Variants in ERCC6 observed in about 807,000 individuals in gnomAD.
ERCC6 encodes the protein ERCC excision repair 6, chromatin remodeling factor, also known as DNA excision repair protein ERCC-6.
Under a neutral mutation model 158.7 loss-of-function variants are expected in ERCC6, and 116 were observed. The ratio of observed to expected loss-of-function variants is 0.73; its 90% CI spans 0.63 to 0.85. ERCC6 has a LOEUF of 0.85. Ranked by LOEUF, ERCC6 falls within the 40% of genes least tolerant of loss-of-function variation. The pLI is 0.00. For missense variants in ERCC6, 1,698 were observed against 1,799.4 expected, an observed-to-expected ratio of 0.94 and a Z score of 1.02; for synonymous variants, 678 against 659.3, an observed-to-expected ratio of 1.03 and a Z score of -0.43.
At chr10:49,512,742 T>C (rs532134477) in intron 5 of ERCC6, among the ~76,000 whole-genome samples, 2 of 152,356 alleles carry the variant, frequency 1.3e-5, no homozygotes, top group South Asian at 2.1e-4. Flanking sequence ...GTTTCATATA[T>C]AACTTATACA....
chr10:49,525,491 A>G (rs1590477430), intron 4 of ERCC6, among the ~76,000 whole-genome samples: 4 of 152,324 alleles, frequency 2.6e-5, no homozygotes, highest in African/African-American at 7.2e-5. Flanking sequence ...AAGACATTAC[A>G]CCATAAGTGT....
In ERCC6 at chr10:49,455,559, A is replaced by C. The variant is rs1364537141; in HGVS notation, c.*3256T>G. 6.6e-6 allele frequency: 1 copy of C among 152,258 alleles called. No homozygotes were observed. The highest frequency in any genetic ancestry group is 1.5e-5 in the Non-Finnish European group (1 of 68,046). The allele number at this position is 152,258 out of a possible 1,614,324, so 9.4% of individuals were successfully genotyped here. A position where few individuals can be genotyped will look rare whatever the true frequency, so the allele number is the denominator to read the frequency against. On this transcript the variant is annotated 3_prime_UTR_variant, in exon 21 of 21. Coordinates refer to ENST00000355832, the MANE Select transcript of ERCC6 (RefSeq NM_000124.4). ...GTTGGTAGAACCAACACCTGGATCC[A>C]CAGGACAGAAATAGACAACTTAGCA...
intron 10 of ERCC6, among the ~76,000 whole-genome samples, chr10:49,480,153 T>C (rs576895536): frequency 3.3e-5 from 5 of 152,274 alleles, no homozygotes; most frequent in African/African-American, 9.6e-5. Flanking sequence ...CAGTCTATAT[T>C]TGGGCTGCTG....
chr10:49,537,751 G>T (rs1284946550), intron 1 of ERCC6, among the ~76,000 whole-genome samples: 1 of 151,612 alleles, frequency 6.6e-6, no homozygotes, highest in African/African-American at 2.4e-5. Context: ...ATTTCGCTCC[G>T]GTTGCCCAGG....
chr10:49,476,084 C>A, intron 12 of ERCC6, 131 bp downstream of exon 12: 1 of 720,276 alleles, frequency 1.4e-6, no homozygotes, highest in South Asian at 1.5e-5. Context: ...ATCTACCATG[C>A]GGGACTTCAT....
In ERCC6 at chr10:49,461,281, C is replaced by A. The variant is rs988917406; in HGVS notation, c.3983+71G>T. The stretch of plus-strand genomic sequence containing the variant: ...AGAAATAACAGTATAAGCCTCCACA[C>A]CTGCCCTGATTTTATTTCTAGCCTT... On this transcript the variant is annotated intron_variant, in intron 19 of 20. Transcript: ENST00000355832. 1.1e-5 allele frequency: 16 copies of A among 1,476,032 alleles called. No individual in the cohort carries two copies. In the Admixed American group the frequency reaches 1.7e-4, roughly 16 times the overall value. The allele number at this position is 1,476,032 out of a possible 1,614,324, so 91.4% of individuals were successfully genotyped here.
At chr10:49,520,449 T>G (rs1328223821) in intron 5 of ERCC6, among the ~76,000 whole-genome samples, 1 of 152,152 alleles carries the variant, frequency 6.6e-6, no homozygotes, top group Non-Finnish European at 1.5e-5. Flanking sequence ...ACACTAACCC[T>G]AGTCCTGCCA....
At position 49,506,079 on chromosome 10, in the gene ERCC6, C is replaced by T. The variant is rs112067509; in HGVS notation, c.1398-67G>A. 1.4e-4 allele frequency: 215 copies of T among 1,589,800 alleles called. 1 individual carries two copies. In the African/African-American group the frequency reaches 2.3e-3, roughly 17 times the overall value. ...CAAGACAGATTTAAAAAGATAGCTC[C>T]TGATAATGTACAAGAAAAAACAGGC... On this transcript the variant is annotated intron_variant, in intron 5 of 20. Coordinates refer to ENST00000355832, the MANE Select transcript of ERCC6 (RefSeq NM_000124.4).
At chr10:49,533,080 A>C in intron 1 of ERCC6, 102 bp from the exon 2 acceptor site, 1 of 1,357,054 alleles carries the variant, frequency 7.4e-7, no homozygotes, top group East Asian at 2.5e-5. Context: ...AAGATCAAGT[A>C]ATAATCTTCC....
downstream of ERCC6, among the ~76,000 whole-genome samples, chr10:49,451,379 C>A (rs1053130550): frequency 6.6e-5 from 10 of 152,178 alleles, no homozygotes; most frequent in Admixed American, 1.3e-4. Flanking sequence ...GGAAAGCATT[C>A]AGTTTTTCAC....
chr10:49,481,358 T>G (rs1259031235), intron 10 of ERCC6, among the ~76,000 whole-genome samples: 2 of 152,182 alleles, frequency 1.3e-5, no homozygotes, highest in Non-Finnish European at 2.9e-5. Flanking sequence ...AAGAATGGTA[T>G]AACAGGAGAT....
chr10:49,525,738 T>C (rs1837301504), intron 4 of ERCC6, among the ~76,000 whole-genome samples: 1 of 143,530 alleles, frequency 7.0e-6, no homozygotes, highest in Admixed American at 6.9e-5. Context: ...TCAGAAAAAA[T>C]GTACTCATAA....
rs1850527728 is a variant in ERCC6 at position 49,458,969 on chromosome 10, C to T, written c.4328G>A (p.Gly1443Asp). 1 of 1,614,074 alleles carries T rather than the reference C, an allele frequency of 6.2e-7. No homozygotes were observed. The change falls in exon 21 of 21, where the codon GGC becomes GAC. Residue 1443 changes from glycine (G) to aspartate (D), a missense_variant. Transcript: ENST00000355832. ...NFIAFQAHTD[G>D]QASTREILQE... ...CAGTATCTCCCTGGTGCTGGCCTGGCCATCAGTGTGGGCCTGGAAAGCGAT... is the reference window on the plus strand; with the variant it reads ...CAGTATCTCCCTGGTGCTGGCCTGGTCATCAGTGTGGGCCTGGAAAGCGAT...
At chr10:49,525,882 T>C (rs1223867382) in intron 4 of ERCC6, among the ~76,000 whole-genome samples, 1 of 151,782 alleles carries the variant, frequency 6.6e-6, no homozygotes, top group East Asian at 1.9e-4. Flanking sequence ...TGCCTGTCTC[T>C]GAACGCTACG....
At position 49,516,929 on chromosome 10, in the gene ERCC6, C is replaced by T. The variant is rs201468099; in HGVS notation, c.1397+7104G>A. 4.3e-5 allele frequency: 69 copies of T among 1,613,908 alleles called. 2 individuals are homozygous for T. The Middle Eastern group carries it at 6.6e-4, about 15-fold the overall frequency. Reference sequence around the variant, plus strand: ...CATCAGAGCCATCTTGAATAAGATACGCAGCTGTGTGCAACAAAGAACCTG... The same window carrying T: ...CATCAGAGCCATCTTGAATAAGATATGCAGCTGTGTGCAACAAAGAACCTG... On this transcript the variant is annotated intron_variant, in intron 5 of 20. Coordinates refer to ENST00000355832, the MANE Select transcript of ERCC6 (RefSeq NM_000124.4).
At chr10:49,449,126 T>C in the ERCC6 span, among the ~76,000 whole-genome samples, 2 of 152,220 alleles carry the variant, frequency 1.3e-5, no homozygotes, top group Admixed American at 6.5e-5. Context: ...CTCTCTACAA[T>C]CTCTTGTCAA....
intron 1 of ERCC6, among the ~76,000 whole-genome samples, chr10:49,536,431 GC>G: frequency 6.6e-6 from 1 of 152,106 alleles, no homozygotes; most frequent in Non-Finnish European, 1.5e-5. Flanking sequence ...TGAACAGGAG[GC>G]ACAACACATC....
Position 49,470,427 on chromosome 10 carries a change from A to C in ERCC6, c.3533T>G (p.Phe1178Cys). 6.2e-7 allele frequency: 1 copy of C among 1,614,060 alleles called. No individual in the cohort carries two copies. The highest frequency in any genetic ancestry group is 1.1e-5 in the South Asian group (1 of 91,050). ...TTTTGTTTTTGACTTGTGCTTATAA[A>C]AATTATTTTCCATTTGTTTATTCTC... Reference protein sequence around the residue: ...FWENKQMENNFYKHKSKTKHH... With the variant: ...FWENKQMENNCYKHKSKTKHH... Residue 1178 changes from phenylalanine to cysteine, a missense_variant, in exon 18 of 21, where the codon TTT (phenylalanine) becomes TGT (cysteine). Coordinates refer to ENST00000355832, the MANE Select transcript of ERCC6 (RefSeq NM_000124.4).
the ERCC6 span, among the ~76,000 whole-genome samples, chr10:49,447,036 A>C: frequency 6.6e-6 from 1 of 152,196 alleles, no homozygotes; most frequent in Non-Finnish European, 1.5e-5. Flanking sequence ...AAGGGGAAAA[A>C]CACCCATAAA....
Sources: gnomAD v4.1 joint callset for allele counts (sites outside exome capture counted in the v4.1 genomes callset) on GRCh38, gnomAD v4.1.1 for gene constraint, MANE v1.5 for transcripts, NCBI Gene and HGNC (gene_info 2026-07-23, HGNC 2026-07-21) for gene names.